BBS9: variants seen among roughly 807,000 people sequenced by gnomAD.
BBS9 encodes the protein protein PTHB1.
In BBS9, 89 loss-of-function variants were observed where a neutral mutation model predicts 117.7. That is an observed-to-expected ratio of 0.76 (90% CI 0.64 to 0.90). The LOEUF (loss-of-function observed/expected upper bound fraction) is 0.90. Ranked by LOEUF, BBS9 falls within the 40% of genes least tolerant of loss-of-function variation. BBS9 has a pLI of 0.00. For synonymous variants in BBS9, 379 were observed against 370.9 expected (o/e 1.02, Z -0.25); for missense variants, 982 against 1,042.2 (o/e 0.94, Z 0.80).
chr7:33,174,123 G>A (rs1796992162), intron 4 of BBS9, among the ~76,000 whole-genome samples: 2 of 152,136 alleles, frequency 1.3e-5, no homozygotes, highest in South Asian at 4.1e-4. Flanking sequence ...TTTCTGTTGT[G>A]ACTTCCAAAC....
intron 21 of BBS9, among the ~76,000 whole-genome samples, chr7:33,621,971 G>A (rs1369055136): frequency 2.6e-5 from 4 of 152,130 alleles, no homozygotes; most frequent in Non-Finnish European, 5.9e-5. Flanking sequence ...GCTCTTTGAG[G>A]GGCCAAGGCA....
Position 33,450,869 on chromosome 7 carries a change from T to TTTTTTTTTG in BBS9, c.2116-54587_2116-54586insTGTTTTTTT, listed in dbSNP as rs1837710006. On this transcript the variant is annotated intron_variant, in intron 19 of 22. Coordinates refer to ENST00000242067, the MANE Select transcript of BBS9 (RefSeq NM_198428.3). Reference sequence around the variant, plus strand: ...GTTTCCTTTGCTGTTCAGAAGTTTTTTTTTTTTGTTTTTTTGTTTTTTTGT... The same window carrying TTTTTTTTTG: ...GTTTCCTTTGCTGTTCAGAAGTTTTTTTTTTTTTGTTTTTTTGTTTTTTTGTTTTTTTGT... Among the ~76,000 whole-genome samples, 21 of 151,040 alleles carry TTTTTTTTTG rather than the reference T, an allele frequency of 1.4e-4. No homozygotes were observed. In the South Asian group the frequency reaches 4.0e-3, roughly 29 times the overall value.
At chr7:33,596,661 A>G (rs1157826791) in intron 21 of BBS9, among the ~76,000 whole-genome samples, 1 of 152,226 alleles carries the variant, frequency 6.6e-6, no homozygotes, top group Non-Finnish European at 1.5e-5. Flanking sequence ...ATTCTGGTTT[A>G]CGTTCTTCTT....
intron 19 of BBS9, among the ~76,000 whole-genome samples, chr7:33,485,307 AGTT>A (rs1263103733): frequency 4.3e-5 from 6 of 139,242 alleles, no homozygotes; most frequent in African/African-American, 1.3e-4. Flanking sequence ...TTAACATAAA[AGTT>A]TTTTTTTTTT....
At chr7:33,387,115 C>T (rs1424886769) in intron 18 of BBS9, among the ~76,000 whole-genome samples, 1 of 152,012 alleles carries the variant, frequency 6.6e-6, no homozygotes, top group Non-Finnish European at 1.5e-5. Context: ...AACCAGTTCC[C>T]CTATTGATGG....
chr7:33,244,248 T>C (rs530073752), intron 5 of BBS9, among the ~76,000 whole-genome samples: 3 of 151,812 alleles, frequency 2.0e-5, no homozygotes, highest in African/African-American at 4.8e-5. Context: ...AACAAACAAA[T>C]AAACAAACAA....
At chr7:33,150,469 C>T (rs1035037453) in intron 2 of BBS9, among the ~76,000 whole-genome samples, 6 of 152,162 alleles carry the variant, frequency 3.9e-5, no homozygotes, top group Non-Finnish European at 8.8e-5. Flanking sequence ...ATTAATTGTT[C>T]TGTTACAATG....
chr7:33,621,941 G>T (rs1399426976), intron 21 of BBS9, among the ~76,000 whole-genome samples: 3 of 152,194 alleles, frequency 2.0e-5, no homozygotes, highest in Admixed American at 6.5e-5. Flanking sequence ...TGGGCGCAGT[G>T]GTTCATGCCT....
intron 21 of BBS9, among the ~76,000 whole-genome samples, chr7:33,592,057 A>T (rs1459080327): frequency 6.6e-6 from 1 of 152,108 alleles, no homozygotes; most frequent in Non-Finnish European, 1.5e-5. Flanking sequence ...GAGTTCAGCT[A>T]TGAACATTCC....
intron 19 of BBS9, among the ~76,000 whole-genome samples, chr7:33,450,044 G>C (rs999476726): frequency 5.9e-5 from 9 of 152,082 alleles, no homozygotes; most frequent in Non-Finnish European, 1.2e-4. Flanking sequence ...TGTCAGGTCG[G>C]CCCCTGACAA....
chr7:33,251,287 G>A (rs1353149058), intron 5 of BBS9, among the ~76,000 whole-genome samples: 2 of 152,190 alleles, frequency 1.3e-5, no homozygotes, highest in Non-Finnish European at 2.9e-5. Context: ...CCAGGGAAGA[G>A]TAACTTTTCC....
intron 19 of BBS9, among the ~76,000 whole-genome samples, chr7:33,413,511 C>A (rs375674806): frequency 3.9e-5 from 6 of 152,260 alleles, no homozygotes; most frequent in African/African-American, 4.8e-5. Flanking sequence ...TAAGTATTCC[C>A]TCACACTGTC....
chr7:33,436,310 A>G (rs528421317), intron 19 of BBS9, among the ~76,000 whole-genome samples: 10 of 152,264 alleles, frequency 6.6e-5, no homozygotes, highest in Admixed American at 3.3e-4. Context: ...TTGTGAAATA[A>G]GTGTGTTGTA....
At chr7:33,137,977 G>T (rs1373976381) in intron 1 of BBS9, among the ~76,000 whole-genome samples, 1 of 152,216 alleles carries the variant, frequency 6.6e-6, no homozygotes, top group Non-Finnish European at 1.5e-5. Flanking sequence ...TTGTGAGGAA[G>T]AGCCATTTGT....
At chr7:33,635,755 T>A (rs988109661), downstream of BBS9, among the ~76,000 whole-genome samples, 6 of 152,206 alleles carry the variant, frequency 3.9e-5, no homozygotes, top group African/African-American at 1.4e-4. Context: ...GGAAATTAAA[T>A]TCATTGAAAG....
intron 5 of BBS9, among the ~76,000 whole-genome samples, chr7:33,219,072 G>A (rs945815518): frequency 6.6e-5 from 10 of 152,208 alleles, no homozygotes; most frequent in African/African-American, 2.4e-4. Flanking sequence ...ACTCGGAGCA[G>A]CCGGCCAGCC....
rs1319663584 is a variant in BBS9 at position 33,280,905 on chromosome 7, GTTTTTGTTTTTT to G, written c.1016+6955_1016+6966del. On this transcript the variant is annotated intron_variant, in intron 9 of 22. Coordinates refer to ENST00000242067, the MANE Select transcript of BBS9 (RefSeq NM_198428.3). ...GTTTAAGTTTTGCTGTTAATTTGTC[GTTTTTGTTTTTT>G]TTTTTTTTTTTTTGCATTATAGAAA... 2.7e-3 allele frequency among the ~76,000 whole-genome samples: 131 copies of G among 48,774 alleles called. 1 individual carries two copies. Among genetic ancestry groups the G allele is most frequent in the Non-Finnish European group, 3.7e-3 (98 of 26,444 alleles). The allele number at this position is 48,774 out of a possible 152,430, so 32.0% of individuals were successfully genotyped here. A position where few individuals can be genotyped will look rare whatever the true frequency, so the allele number is the denominator to read the frequency against.
chr7:33,619,635 A>C (rs1865308433), intron 21 of BBS9, among the ~76,000 whole-genome samples: 1 of 152,214 alleles, frequency 6.6e-6, no homozygotes, highest in Non-Finnish European at 1.5e-5. Flanking sequence ...CAAATCCAAG[A>C]AGATTGACAT....
chr7:33,237,141 C>A, intron 5 of BBS9, among the ~76,000 whole-genome samples: 2 of 152,320 alleles, frequency 1.3e-5, no homozygotes, highest in Middle Eastern at 6.8e-3. Flanking sequence ...TGAAATCTCA[C>A]TCTTGTGCCA....
Sources: gnomAD v4.1 joint callset for allele counts (sites outside exome capture counted in the v4.1 genomes callset) on GRCh38, gnomAD v4.1.1 for gene constraint, MANE v1.5 for transcripts, NCBI Gene and HGNC (gene_info 2026-07-23, HGNC 2026-07-21) for gene names.